The following CTR9 variants were observed in gnomAD, a reference collection of about 807,000 sequenced individuals.
CTR9 encodes RNA polymerase-associated protein CTR9 homolog.
Under a neutral mutation model 152.1 loss-of-function variants are expected in CTR9, and 41 were observed. That is an observed-to-expected ratio of 0.27 (90% CI 0.21 to 0.35). The LOEUF (loss-of-function observed/expected upper bound fraction) is 0.35, where lower values mean the gene tolerates loss of function less well. Ranked by LOEUF, CTR9 falls within the 10% of genes least tolerant of loss-of-function variation. The probability of loss-of-function intolerance (pLI) is 1.00; values close to 1 mark genes in which losing one functional copy is unlikely to be tolerated. For missense variants in CTR9, 917 were observed against 1,424.4 expected (o/e 0.64, Z 5.73); for synonymous variants, 476 against 496.2 (o/e 0.96, Z 0.54).
intron 24 of CTR9, among the ~76,000 whole-genome samples, chr11:10,776,613 G>C (rs1053532073): frequency 3.9e-5 from 6 of 152,322 alleles, no homozygotes; most frequent in African/African-American, 1.4e-4. Flanking sequence ...AGAGAGAAAA[G>C]ATAGGCCCAT....
rs774578513 is a variant in CTR9, at chr11:10,779,059, A to C, written c.3476A>C (p.Glu1159Ala). The stretch of plus-strand genomic sequence containing the variant: ...TCGGAACCAGAGGGATCCAACAATG[A>C]GGCCTCAGATAGAGGCTCAGAACAT... ...NESEPEGSNN[E>A]ASDRGSEHGS... Residue 1159 changes from glutamate (E) to alanine (A), a missense_variant, in exon 25 of 25, where the codon GAG (glutamate) becomes GCG (alanine). This residue lies in a region of CTR9 where 384 missense variants were observed against 398.4 expected (regional missense o/e 0.96). Transcript: ENST00000361367. 17 of 1,614,180 alleles carry C rather than the reference A, an allele frequency of 1.1e-5. No homozygotes were observed. Among genetic ancestry groups the C allele is most frequent in the Middle Eastern group, 1.7e-4 (1 of 6,056 alleles).
At position 10,752,782 on chromosome 11, in the gene CTR9, T is replaced by A; in HGVS notation, c.144+12T>A. ...GGATTGCTTTGGCGGTCAGTATTCA[T>A]GTAGCAAATATTTTTTATTTGTTGA... On this transcript the variant is annotated intron_variant, in intron 2 of 24. Coordinates refer to ENST00000361367, the MANE Select transcript of CTR9 (RefSeq NM_014633.5). 6.3e-7 allele frequency: 1 copy of A among 1,598,372 alleles called. No homozygotes were observed. The highest frequency in any genetic ancestry group is 8.6e-7 in the Non-Finnish European group (1 of 1,167,926).
chr11:10,756,974 ATG>A, intron 5 of CTR9, 136 bp downstream of exon 5: 1 of 690,024 alleles, frequency 1.4e-6, no homozygotes, highest in Non-Finnish European at 2.5e-6. Context: ...TTTTTTTTTG[ATG>A]CTATGTTTGA....
Position 10,762,165 on chromosome 11 carries a change from C to T in CTR9, c.849+111C>T, listed in dbSNP as rs1410069406. 5 of 698,076 alleles carry T rather than the reference C, an allele frequency of 7.2e-6. No homozygotes were observed. In the African/African-American group the frequency reaches 7.3e-5, roughly 10 times the overall value. The allele number at this position is 698,076 out of a possible 1,614,324, so 43.2% of individuals were successfully genotyped here. On this transcript the variant is annotated intron_variant, in intron 7 of 24. Coordinates refer to ENST00000361367, the MANE Select transcript of CTR9 (RefSeq NM_014633.5). ...ATTTGAAAATGTCAGATTTTTTCCC[C>T]CCTCCAAATTATAGAGTTTGTTGTA... is the stretch of plus-strand genomic sequence containing the variant.
chr11:10,775,636 A>G lies in CTR9; in HGVS notation c.3095+3A>G, dbSNP rs772524351. On this transcript the variant is annotated splice_donor_region_variant and intron_variant, in intron 24 of 24. Transcript: ENST00000361367. ...AAACTTAAAATTGCTGATGAAGGGT[A>G]GGATATTTTCTCTTTGTAAATTCTT... The G allele has an allele frequency of 3.1e-5, 49 of 1,582,994 alleles. No homozygotes were observed. The highest frequency in any genetic ancestry group is 1.7e-4 in the Middle Eastern group (1 of 6,046).
chr11:10,767,435 T>C lies in CTR9; in HGVS notation c.1687-371T>C, dbSNP rs146820290. ...CACAAGGCCTAATTTGCAGTAACTATTGCTGTTTTATTTAACAGTGCCTTG... is the reference window on the plus strand; with the variant it reads ...CACAAGGCCTAATTTGCAGTAACTACTGCTGTTTTATTTAACAGTGCCTTG... On this transcript the variant is annotated intron_variant, in intron 13 of 24. Transcript: ENST00000361367. The surrounding 1 kb of genome is among the most constrained non-coding windows in gnomAD (Gnocchi z 4.0). 1.6e-3 allele frequency: 282 copies of C among 177,644 alleles called. No individual in the cohort carries two copies. The highest frequency in any genetic ancestry group is 6.4e-3 in the African/African-American group (268 of 41,998). 11.0% of individuals were successfully genotyped at this position (177,644 alleles called of 1,614,324 possible).
chr11:10,775,983 A>G (rs191771280), intron 24 of CTR9, among the ~76,000 whole-genome samples: 245 of 152,362 alleles, frequency 1.6e-3, no homozygotes, highest in Non-Finnish European at 2.0e-3. Flanking sequence ...AATGAAATGT[A>G]TCATTTTGCT....
chr11:10,756,964 T>G (rs1245128088), intron 5 of CTR9, 126 bp downstream of exon 5: 30 of 731,538 alleles, frequency 4.1e-5, no homozygotes, highest in Middle Eastern at 3.1e-4. Flanking sequence ...AGAATCAAGT[T>G]TTTTTTTTGA....
rs11386264 is a variant in CTR9 at position 10,773,884 on chromosome 11, C to CAAA, written c.2728-111_2728-109dup. The CAAA allele has an allele frequency of 3.0e-3, 1,189 of 402,254 alleles. 3 individuals are homozygous for CAAA. Among genetic ancestry groups the CAAA allele is most frequent in the African/African-American group, 0.01 (379 of 37,180 alleles). 24.9% of individuals were successfully genotyped at this position (402,254 alleles called of 1,614,324 possible). On this transcript the variant is annotated intron_variant, in intron 21 of 24. Coordinates refer to ENST00000361367, the MANE Select transcript of CTR9 (RefSeq NM_014633.5). ...TGGGCAAAAGAGTGAGACTTCATCT[C>CAAA]AAAAAAAAAAAAAAAAAAATCCTTC... is the stretch of plus-strand genomic sequence containing the variant.
At chr11:10,760,120 T>C in intron 5 of CTR9, 53 bp from the exon 6 acceptor site, 6 of 1,590,212 alleles carry the variant, frequency 3.8e-6, no homozygotes, top group African/African-American at 1.3e-5. Flanking sequence ...ATTTTTGTAA[T>C]TGAACTCTAA....
Position 10,771,584 on chromosome 11 carries a change from A to G in CTR9, c.2412A>G (p.Arg804=). The G allele has an allele frequency of 6.2e-7, 1 of 1,612,918 alleles. No individual in the cohort carries two copies. The highest frequency in any genetic ancestry group is 2.2e-5 in the East Asian group (1 of 44,858). Residue 804 remains arginine, a synonymous_variant, in exon 19 of 25, where the codon AGA becomes AGG. Transcript: ENST00000361367. ...TGAGTAAAGTGGGAGATAAAATGAG[A>G]TTTGATTTGGCCCTTGCTGCTACAG... ...SYLSKVGDKM[R]FDLALAATEA...
chr11:10,762,064 A>G lies in CTR9; in HGVS notation c.849+10A>G, dbSNP rs1425472415. On this transcript the variant is annotated intron_variant, in intron 7 of 24. Coordinates refer to ENST00000361367, the MANE Select transcript of CTR9 (RefSeq NM_014633.5). ...CTTTTTCTTCAAAAAGGTAGAAGTC[A>G]TTTATTTTTAAATTCTGATTTTTGT... 5 of 1,493,384 alleles carry G rather than the reference A, an allele frequency of 3.3e-6. No homozygotes were observed. The highest frequency in any genetic ancestry group is 4.6e-6 in the Non-Finnish European group (5 of 1,093,830). The allele number at this position is 1,493,384 out of a possible 1,614,324, so 92.5% of individuals were successfully genotyped here.
chr11:10,766,632 A>T (rs1266349171), intron 13 of CTR9, 142 bp downstream of exon 13: 1 of 599,682 alleles, frequency 1.7e-6, no homozygotes, highest in Non-Finnish European at 2.8e-6. Flanking sequence ...AGATACTAAA[A>T]ATGTACTAGG....
At position 10,758,059 on chromosome 11, in the gene CTR9, T is replaced by A. The variant is rs116587950; in HGVS notation, c.592+1221T>A. 8.1e-3 allele frequency among the ~76,000 whole-genome samples: 1,181 copies of A among 145,216 alleles called. 18 individuals are homozygous for A. The highest frequency in any genetic ancestry group is 0.027 in the African/African-American group (1,128 of 41,126). On this transcript the variant is annotated intron_variant, in intron 5 of 24. Coordinates refer to ENST00000361367, the MANE Select transcript of CTR9 (RefSeq NM_014633.5). Reference sequence around the variant, plus strand: ...TAAGGAAGAGTAAGGAGGCCATTGTTTCTGGAATAGAGAGAGAAAGAGTTG... The same window carrying A: ...TAAGGAAGAGTAAGGAGGCCATTGTATCTGGAATAGAGAGAGAAAGAGTTG...
In CTR9 at chr11:10,767,960, C is replaced by G. The variant is rs748688556; in HGVS notation, c.1841C>G (p.Thr614Ser). Reference protein sequence around the residue: ...MLALGNVWLQTLHQPTRDREK... With the variant: ...MLALGNVWLQSLHQPTRDREK... ...GCCCTTGGCAACGTGTGGCTCCAAACTTTACATCAGCCCACCCGAGATCGA... is the reference window on the plus strand; with the variant it reads ...GCCCTTGGCAACGTGTGGCTCCAAAGTTTACATCAGCCCACCCGAGATCGA... Residue 614 changes from threonine (T) to serine (S), a missense_variant, in exon 14 of 25, where the codon ACT becomes AGT. Coordinates refer to ENST00000361367, the MANE Select transcript of CTR9 (RefSeq NM_014633.5). The surrounding 1 kb of genome is among the most constrained non-coding windows in gnomAD (Gnocchi z 4.0). The G allele has an allele frequency of 6.2e-7, 1 of 1,614,118 alleles. No individual in the cohort carries two copies. Among genetic ancestry groups the G allele is most frequent in the Non-Finnish European group, 8.5e-7 (1 of 1,179,994 alleles).
intron 20 of CTR9, 61 bp from the exon 21 acceptor site, chr11:10,773,066 T>A: frequency 6.4e-7 from 1 of 1,555,148 alleles, no homozygotes; most frequent in Non-Finnish European, 8.7e-7. Flanking sequence ...ATGGTAGCCA[T>A]TAATTTTTCA....
intron 1 of CTR9, among the ~76,000 whole-genome samples, chr11:10,752,267 G>A (rs1862816586): frequency 6.6e-6 from 1 of 152,148 alleles, no homozygotes; most frequent in African/African-American, 2.4e-5. Context: ...ATTAATGTGT[G>A]CAGTGGCATT....
chr11:10,776,508 C>G (rs563388766), intron 24 of CTR9, among the ~76,000 whole-genome samples: 7 of 152,170 alleles, frequency 4.6e-5, no homozygotes, highest in Non-Finnish European at 8.8e-5. Flanking sequence ...TAATACTGTA[C>G]TACACTGTGT....
rs767756354 is a variant in CTR9 at position 10,768,084 on chromosome 11, A to G, written c.1883A>G (p.His628Arg). ...PTRDREKEKR[H>R]QDRALAIYKQ... Reference sequence around the variant, plus strand: ...CACTTGTTTCTATAGGAAAAGCGTCATCAAGATCGTGCTCTGGCCATCTAC... The same window carrying G: ...CACTTGTTTCTATAGGAAAAGCGTCGTCAAGATCGTGCTCTGGCCATCTAC... Residue 628 changes from histidine (H) to arginine (R), a missense_variant, in exon 15 of 25, where the codon CAT (histidine) becomes CGT (arginine). By Grantham distance (29) the His-to-Arg change is conservative. Around this residue, in one of 9 missense-constraint regions of CTR9, gnomAD observed 87 missense variants for 235.7 expected, o/e 0.37. Transcript: ENST00000361367. The G allele has an allele frequency of 6.2e-7, 1 of 1,614,010 alleles. No homozygotes were observed.
Sources: gnomAD v4.1 joint callset for allele counts (sites outside exome capture counted in the v4.1 genomes callset) on GRCh38, gnomAD v4.1.1 for gene constraint, gnomAD v4.1.1 regional missense constraint, Gnocchi (gnomAD v3.1) non-coding constraint, MANE v1.5 for transcripts, NCBI Gene and HGNC (gene_info 2026-07-23, HGNC 2026-07-21) for gene names.